Variants in ARHGAP15 observed in about 807,000 individuals in gnomAD.
ARHGAP15 encodes the protein Rho GTPase activating protein 15, also known as rho GTPase-activating protein 15.
ARHGAP15 carries 51 observed loss-of-function variants against 63.7 expected under a neutral mutation model. The observed-to-expected ratio is 0.80, with a 90% CI of 0.64 to 1.01. ARHGAP15 has a LOEUF of 1.01. Among genes scored for constraint, ARHGAP15 ranks in the 50% least tolerant of loss-of-function variants. ARHGAP15 has a pLI of 0.00. For missense variants in ARHGAP15, 560 were observed against 564.6 expected (o/e 0.99, Z 0.08); for synonymous variants, 191 against 193.8 (o/e 0.99, Z 0.12).
intron 9 of ARHGAP15, among the ~76,000 whole-genome samples, chr2:143,503,901 T>C (rs529629887): frequency 7.9e-5 from 12 of 152,202 alleles, no homozygotes; most frequent in Admixed American, 6.5e-4. Context: ...CCCCAGGAAG[T>C]GAGTAAGGAA....
chr2:143,305,413 G>A (rs1166531123), intron 6 of ARHGAP15: 1 of 152,064 alleles, frequency 6.6e-6, no homozygotes, highest in Non-Finnish European at 1.5e-5. Context: ...CATGGCACGT[G>A]TGTAGCTATG....
intron 6 of ARHGAP15, among the ~76,000 whole-genome samples, chr2:143,419,316 T>G (rs1310736829): frequency 2.0e-5 from 3 of 152,144 alleles, no homozygotes; most frequent in African/African-American, 7.2e-5. Flanking sequence ...GGAACAAACT[T>G]TCTAGAAAAT....
chr2:143,309,248 G>A (rs1458135656), intron 6 of ARHGAP15, among the ~76,000 whole-genome samples: 1 of 151,948 alleles, frequency 6.6e-6, no homozygotes, highest in Non-Finnish European at 1.5e-5. Flanking sequence ...TTGGAACTTT[G>A]GCCAATACAT....
intron 13 of ARHGAP15, among the ~76,000 whole-genome samples, chr2:143,716,120 C>T (rs1368416934): frequency 6.6e-6 from 1 of 152,124 alleles, no homozygotes; most frequent in Non-Finnish European, 1.5e-5. Flanking sequence ...CACCATGGCA[C>T]ACGTTTAACT....
chr2:143,304,719 A>G (rs1683086859), intron 6 of ARHGAP15, among the ~76,000 whole-genome samples: 1 of 152,128 alleles, frequency 6.6e-6, no homozygotes, highest in Non-Finnish European at 1.5e-5. Context: ...TACATTAAAT[A>G]TATTTAAAAA....
intron 10 of ARHGAP15, among the ~76,000 whole-genome samples, chr2:143,551,155 G>T (rs66932859): frequency 0.19 from 29,385 of 151,952 alleles, 3,210 homozygotes; most frequent in Middle Eastern, 0.28. Context: ...AATGAAAATA[G>T]AACTTTTCTT....
intron 6 of ARHGAP15, among the ~76,000 whole-genome samples, chr2:143,263,907 C>CCTT (rs1680863874): frequency 2.6e-5 from 1 of 38,420 alleles, no homozygotes; most frequent in African/African-American, 6.3e-5. Flanking sequence ...AAGCTGCAGT[C>CCTT]TTTTTTTTTT....
intron 6 of ARHGAP15, among the ~76,000 whole-genome samples, chr2:143,382,878 C>T (rs1209783293): frequency 6.6e-6 from 1 of 152,168 alleles, no homozygotes; most frequent in Non-Finnish European, 1.5e-5. Flanking sequence ...AAAGCATTTG[C>T]TTAAGTGACA....
chr2:143,158,874 A>C (rs1311216671), intron 2 of ARHGAP15, among the ~76,000 whole-genome samples: 1 of 151,990 alleles, frequency 6.6e-6, no homozygotes, highest in Non-Finnish European at 1.5e-5. Context: ...ATTGCAGCAA[A>C]TAGCTATTGC....
At chr2:143,608,381 T>C (rs1047052958) in intron 11 of ARHGAP15, 3 of 152,202 alleles carry the variant, frequency 2.0e-5, no homozygotes, top group African/African-American at 7.2e-5. Flanking sequence ...GAGATTAATA[T>C]CTTTTTCTAC....
At chr2:143,383,783 A>G (rs977277684) in intron 6 of ARHGAP15, among the ~76,000 whole-genome samples, 5 of 152,190 alleles carry the variant, frequency 3.3e-5, no homozygotes, top group Non-Finnish European at 7.3e-5. Context: ...CTAGTCTTAT[A>G]TATGGTAGCT....
chr2:143,437,036 T>A lies in ARHGAP15; in HGVS notation c.697T>A (p.Ser233Thr). Residue 233 changes from serine to threonine, a missense_variant, in exon 8 of 14, where the codon TCT becomes ACT. Ser to Thr is a moderately conservative substitution (Grantham distance 58). Coordinates refer to ENST00000295095, the MANE Select transcript of ARHGAP15 (RefSeq NM_018460.4). ...IKEQKPEHRK[S>T]LMFRLHHSAS... ...AGAACAGAAACCAGAGCACAGAAAATCTTTAAGTGAGTATTTTCTTTGACT... is the reference window on the plus strand; with the variant it reads ...AGAACAGAAACCAGAGCACAGAAAAACTTTAAGTGAGTATTTTCTTTGACT... 6.3e-7 allele frequency: 1 copy of A among 1,595,082 alleles called. No individual in the cohort carries two copies. The highest frequency in any genetic ancestry group is 8.5e-7 in the Non-Finnish European group (1 of 1,175,094).
At chr2:143,188,926 A>G (rs173310) in intron 2 of ARHGAP15, among the ~76,000 whole-genome samples, 42,974 of 151,106 alleles carry the variant, frequency 0.28, 6,690 homozygotes, top group Admixed American at 0.38. Context: ...GCCGGCCCCT[A>G]TGCCTTATTT....
intron 12 of ARHGAP15, among the ~76,000 whole-genome samples, chr2:143,668,185 T>G (rs989088362): frequency 6.6e-6 from 1 of 152,160 alleles, no homozygotes; most frequent in African/African-American, 2.4e-5. Flanking sequence ...GAAAGTACTG[T>G]GTAGATATTC....
chr2:143,618,320 C>T (rs941306318), intron 11 of ARHGAP15, among the ~76,000 whole-genome samples: 35 of 152,176 alleles, frequency 2.3e-4, no homozygotes, highest in Admixed American at 2.0e-3. Context: ...TAGGGCCAAA[C>T]ATATTATGTT....
intron 10 of ARHGAP15, among the ~76,000 whole-genome samples, chr2:143,531,103 A>C (rs569815422): frequency 1.9e-4 from 15 of 80,290 alleles, no homozygotes; most frequent in Non-Finnish European, 3.0e-4. Context: ...GCCTGGGTTG[A>C]TGCTGTGTGT....
chr2:143,567,674 T>A (rs1696285332), intron 11 of ARHGAP15, among the ~76,000 whole-genome samples: 1 of 152,174 alleles, frequency 6.6e-6, no homozygotes, highest in South Asian at 2.1e-4. Context: ...ACCCCCAAAC[T>A]CAGGTGATAC....
At chr2:143,223,230 T>A (rs1290209983) in intron 4 of ARHGAP15, among the ~76,000 whole-genome samples, 1 of 152,160 alleles carries the variant, frequency 6.6e-6, no homozygotes, top group Non-Finnish European at 1.5e-5. Context: ...TGCCTCAGCC[T>A]CCCAAAGTGC....
At chr2:143,139,247 T>G (rs547891489) in intron 1 of ARHGAP15, among the ~76,000 whole-genome samples, 18 of 152,260 alleles carry the variant, frequency 1.2e-4, no homozygotes, top group African/African-American at 3.6e-4. Context: ...CGATTACATC[T>G]CTACTCCTGA....
Sources: allele counts gnomAD v4.1 joint callset (sites outside exome capture counted in the v4.1 genomes callset), GRCh38; gene constraint gnomAD v4.1.1; transcripts MANE v1.5; gene names NCBI Gene and HGNC (gene_info 2026-07-23, HGNC 2026-07-21).